The following GALNT17 variants were observed in gnomAD, a reference collection of about 807,000 sequenced individuals.
GALNT17 encodes the protein UDP-GalNAc:polypeptide N-acetylgalactosaminyltransferase-like 3.
A neutral mutation model predicts 63.7 loss-of-function variants in GALNT17; 29 were observed. The observed-to-expected ratio is 0.46, with a 90% CI of 0.34 to 0.62. The LOEUF (loss-of-function observed/expected upper bound fraction) is 0.62. Ranked by LOEUF, GALNT17 falls within the 20% of genes least tolerant of loss-of-function variation. The probability of loss-of-function intolerance (pLI) is 0.01; values close to 1 mark genes in which losing one functional copy is unlikely to be tolerated. For synonymous variants in GALNT17, 305 were observed against 318.3 expected (o/e 0.96, Z 0.45); for missense variants, 603 against 799.6 (o/e 0.75, Z 2.97).
chr7:71,711,266 ATCCTGACCCCC>A (rs1047399837), intron 10 of GALNT17, among the ~76,000 whole-genome samples: 8 of 152,106 alleles, frequency 5.3e-5, no homozygotes, highest in Non-Finnish European at 8.8e-5. Context: ...GAAACTCAAC[ATCCTGACCCCC>A]TCCTGACCCC....
intron 2 of GALNT17, among the ~76,000 whole-genome samples, chr7:71,376,122 C>G (rs539766825): frequency 1.6e-4 from 24 of 151,798 alleles, no homozygotes; most frequent in African/African-American, 5.8e-4. Flanking sequence ...TCTTACTGGC[C>G]AAATTTTGGA....
chr7:71,635,875 C>G (rs1229645813), intron 6 of GALNT17, among the ~76,000 whole-genome samples: 1 of 152,144 alleles, frequency 6.6e-6, no homozygotes, highest in Non-Finnish European at 1.5e-5. Context: ...GTGAGGACGA[C>G]CAGAGGTCAC....
intron 6 of GALNT17, among the ~76,000 whole-genome samples, chr7:71,622,489 C>G (rs1790310380): frequency 6.6e-6 from 1 of 152,170 alleles, no homozygotes; most frequent in South Asian, 2.1e-4. Context: ...TGTCTTCACT[C>G]TCACTGGTGT....
intron 6 of GALNT17, among the ~76,000 whole-genome samples, chr7:71,647,591 T>C (rs1019860371): frequency 2.6e-5 from 4 of 152,196 alleles, no homozygotes; most frequent in Non-Finnish European, 5.9e-5. Context: ...TGGAAGCCCA[T>C]GGCTCTGTTT....
At chr7:71,588,058 A>C (rs1323173637) in intron 6 of GALNT17, among the ~76,000 whole-genome samples, 1 of 152,186 alleles carries the variant, frequency 6.6e-6, no homozygotes, top group East Asian at 1.9e-4. Context: ...TAGAGACCGA[A>C]GTCTTGTCAG....
intron 2 of GALNT17, among the ~76,000 whole-genome samples, chr7:71,387,336 G>T (rs569444648): frequency 2.0e-5 from 3 of 151,090 alleles, no homozygotes; most frequent in Non-Finnish European, 4.4e-5. Flanking sequence ...TTTGGGGGGC[G>T]GGGAGGGGGA....
intron 5 of GALNT17, among the ~76,000 whole-genome samples, chr7:71,509,310 G>C (rs1159323319): frequency 1.3e-5 from 2 of 152,224 alleles, no homozygotes; most frequent in Non-Finnish European, 2.9e-5. Context: ...TGGAGATTAA[G>C]TACAGGAAGT....
intron 1 of GALNT17, among the ~76,000 whole-genome samples, chr7:71,332,267 C>G (rs1454109278): frequency 2.0e-5 from 3 of 151,936 alleles, no homozygotes; most frequent in African/African-American, 4.8e-5. Flanking sequence ...TCTTGTTTGT[C>G]TCATTACGCT....
intron 1 of GALNT17, among the ~76,000 whole-genome samples, chr7:71,195,628 C>A (rs1789034206): frequency 6.6e-6 from 1 of 151,480 alleles, no homozygotes; most frequent in South Asian, 2.1e-4. Flanking sequence ...GCTTACTGCA[C>A]CCTCGGACTC....
intron 6 of GALNT17, among the ~76,000 whole-genome samples, chr7:71,642,078 GT>G: frequency 6.6e-6 from 1 of 152,262 alleles, no homozygotes; most frequent in Non-Finnish European, 1.5e-5. Flanking sequence ...GGGCTGACAT[GT>G]TACTGGGAAC....
intron 6 of GALNT17, among the ~76,000 whole-genome samples, chr7:71,657,543 C>A (rs1461369474): frequency 6.6e-6 from 1 of 152,124 alleles, no homozygotes; most frequent in Non-Finnish European, 1.5e-5. Context: ...GTACCTGGCA[C>A]CCTGCATCCT....
intron 1 of GALNT17, among the ~76,000 whole-genome samples, chr7:71,288,963 C>T (rs1263542092): frequency 2.0e-5 from 3 of 152,098 alleles, no homozygotes; most frequent in Non-Finnish European, 4.4e-5. Context: ...ATTTAATGTG[C>T]CCATTTTATG....
intron 1 of GALNT17, among the ~76,000 whole-genome samples, chr7:71,135,304 A>G (rs893779401): frequency 6.6e-6 from 1 of 152,224 alleles, no homozygotes; most frequent in African/African-American, 2.4e-5. Flanking sequence ...ATCTCACTGT[A>G]TGTTCACATC....
At chr7:71,394,329 C>T (rs11984058) in intron 3 of GALNT17, among the ~76,000 whole-genome samples, 6,834 of 152,166 alleles carry the variant, frequency 0.045, 545 homozygotes, top group African/African-American at 0.16. Flanking sequence ...AAGCCTTTCG[C>T]GTCCATGACC....
At chr7:71,476,762 A>G (rs189519202) in intron 5 of GALNT17, among the ~76,000 whole-genome samples, 93 of 152,302 alleles carry the variant, frequency 6.1e-4, no homozygotes, top group Non-Finnish European at 8.8e-4. Flanking sequence ...GTTTCTTACA[A>G]CAAAGAATTA....
intron 2 of GALNT17, among the ~76,000 whole-genome samples, chr7:71,377,324 T>C (rs1488537703): frequency 2.3e-5 from 1 of 42,698 alleles, no homozygotes; most frequent in Non-Finnish European, 4.6e-5. Context: ...ATTTCCCAGG[T>C]AGCCGTGGAG....
chr7:71,256,476 C>A (rs1419789259), intron 1 of GALNT17, among the ~76,000 whole-genome samples: 1 of 152,190 alleles, frequency 6.6e-6, no homozygotes, highest in East Asian at 1.9e-4. Flanking sequence ...GAAGCTGAGA[C>A]AAGAGAATTG....
In GALNT17 at chr7:71,670,043, C is replaced by T. The variant is rs1791045250; in HGVS notation, c.1338C>T (p.Phe446=). The T allele has an allele frequency of 1.2e-6, 2 of 1,614,004 alleles. No individual in the cohort carries two copies. Among genetic ancestry groups the T allele is most frequent in the African/African-American group, 1.3e-5 (1 of 74,912 alleles). Reference sequence around the variant, plus strand: ...GGAAAAGTTTAAAGTGTAAGAATTTCCAGTGGTACCTGGACCATGTTTACC... The same window carrying T: ...GGAAAAGTTTAAAGTGTAAGAATTTTCAGTGGTACCTGGACCATGTTTACC... The part of the protein sequence containing the change: ...ALRKSLKCKN[F]QWYLDHVYPE... The change falls in exon 8 of 11, where the codon TTC becomes TTT. Residue 446 remains phenylalanine (F), a synonymous_variant. Coordinates refer to ENST00000333538, the MANE Select transcript of GALNT17 (RefSeq NM_022479.3).
intron 6 of GALNT17, among the ~76,000 whole-genome samples, chr7:71,633,219 C>G (rs2116992963): frequency 6.6e-6 from 1 of 152,064 alleles, no homozygotes; most frequent in South Asian, 2.1e-4. Context: ...AAAACATAGT[C>G]CCTGCCATTC....
Sources: allele counts gnomAD v4.1 joint callset (sites outside exome capture counted in the v4.1 genomes callset), GRCh38; gene constraint gnomAD v4.1.1; transcripts MANE v1.5; gene names NCBI Gene and HGNC (gene_info 2026-07-23, HGNC 2026-07-21).